The following TSHZ2 variants were observed in gnomAD, a reference collection of about 807,000 sequenced individuals.
TSHZ2 encodes teashirt zinc finger homeobox 2, also known as teashirt homolog 2.
Under a neutral mutation model 74.4 loss-of-function variants are expected in TSHZ2, and 21 were observed. The ratio of observed to expected loss-of-function variants is 0.28; its 90% CI spans 0.20 to 0.41. TSHZ2 has a LOEUF of 0.41. Ranked by LOEUF, TSHZ2 falls within the 10% of genes least tolerant of loss-of-function variation. The probability of loss-of-function intolerance (pLI) is 1.00; values close to 1 mark genes in which losing one functional copy is unlikely to be tolerated. For missense variants in TSHZ2, 1,244 were observed against 1,293.5 expected, an observed-to-expected ratio of 0.96 and a Z score of 0.59; for synonymous variants, 540 against 515.3, an observed-to-expected ratio of 1.05 and a Z score of -0.65.
At chr20:53,029,306 A>G (rs1983553572) in intron 1 of TSHZ2, among the ~76,000 whole-genome samples, 1 of 152,242 alleles carries the variant, frequency 6.6e-6, no homozygotes, top group South Asian at 2.1e-4. Context: ...AAGTACAAAA[A>G]TATTCAGTGA....
Position 53,081,527 on chromosome 20 carries a change from C to T in TSHZ2, c.40+108194C>T, listed in dbSNP as rs150180906. Reference sequence around the variant, plus strand: ...TCAAACATCTACTCACTTCCTTCAGCTGGTGTGCCACAAGCCCCACCCACC... The same window carrying T: ...TCAAACATCTACTCACTTCCTTCAGTTGGTGTGCCACAAGCCCCACCCACC... On this transcript the variant is annotated intron_variant, in intron 1 of 2. Coordinates refer to ENST00000371497, the MANE Select transcript of TSHZ2 (RefSeq NM_173485.6). Among the ~76,000 whole-genome samples the T allele has an allele frequency of 4.8e-3, 726 of 152,328 alleles. 6 individuals carry two copies. The highest frequency in any genetic ancestry group is 0.016 in the African/African-American group (683 of 41,566).
At chr20:53,133,968 T>TAAAAAAAAAA (rs1381925781) in intron 1 of TSHZ2, among the ~76,000 whole-genome samples, 2 of 59,964 alleles carry the variant, frequency 3.3e-5, no homozygotes, top group South Asian at 5.1e-4. Flanking sequence ...CCATTTTTTC[T>TAAAAAAAAAA]GAAAAAAAAA....
intron 2 of TSHZ2, among the ~76,000 whole-genome samples, chr20:53,465,462 G>A (rs1600662472): frequency 6.6e-6 from 1 of 152,076 alleles, no homozygotes; most frequent in Admixed American, 6.6e-5. Flanking sequence ...GTAAAGACGA[G>A]TTTTCACCAT....
intron 2 of TSHZ2, among the ~76,000 whole-genome samples, chr20:53,359,257 GTCTA>G (rs1320795944): frequency 1.3e-5 from 2 of 152,170 alleles, no homozygotes; most frequent in Non-Finnish European, 2.9e-5. Flanking sequence ...GGTGAAAACT[GTCTA>G]GGGTCAGGCA....
chr20:53,176,790 G>A (rs959642895), intron 1 of TSHZ2, among the ~76,000 whole-genome samples: 4 of 150,988 alleles, frequency 2.6e-5, no homozygotes, highest in South Asian at 2.1e-4. Flanking sequence ...GAGTTCAAGC[G>A]ATCCTCCTAC....
chr20:53,378,844 A>C (rs1055530804), intron 2 of TSHZ2, among the ~76,000 whole-genome samples: 1 of 152,220 alleles, frequency 6.6e-6, no homozygotes, highest in Non-Finnish European at 1.5e-5. Context: ...CAGTTGATGT[A>C]AATAAAACCA....
At chr20:53,066,938 G>A (rs1449615299) in intron 1 of TSHZ2, among the ~76,000 whole-genome samples, 1 of 152,222 alleles carries the variant, frequency 6.6e-6, no homozygotes, top group Non-Finnish European at 1.5e-5. Flanking sequence ...GCAGGAGACA[G>A]CTTCAGAAAG....
intron 2 of TSHZ2, among the ~76,000 whole-genome samples, chr20:53,461,106 A>C (rs1216490796): frequency 1.5e-4 from 23 of 152,152 alleles, no homozygotes; most frequent in Admixed American, 1.4e-3. Flanking sequence ...TTACCTAAGC[A>C]AGCCTGGGCA....
chr20:53,339,809 G>T (rs902336624), intron 2 of TSHZ2, among the ~76,000 whole-genome samples: 4 of 152,132 alleles, frequency 2.6e-5, no homozygotes, highest in Non-Finnish European at 5.9e-5. Context: ...CTGGAGGAAG[G>T]GATGCAGGTT....
chr20:53,026,162 C>A (rs974940721), intron 1 of TSHZ2, among the ~76,000 whole-genome samples: 1 of 152,024 alleles, frequency 6.6e-6, no homozygotes, highest in African/African-American at 2.4e-5. Flanking sequence ...AATTCAGAGG[C>A]AGGTTCCATG....
At chr20:53,272,701 C>T (rs1990865169) in intron 2 of TSHZ2, among the ~76,000 whole-genome samples, 1 of 152,170 alleles carries the variant, frequency 6.6e-6, no homozygotes, top group Non-Finnish European at 1.5e-5. Context: ...AGAAACATTT[C>T]CAGCCTGCCG....
intron 2 of TSHZ2, among the ~76,000 whole-genome samples, chr20:53,458,039 G>A (rs2145802922): frequency 6.6e-6 from 1 of 152,134 alleles, no homozygotes; most frequent in African/African-American, 2.4e-5. Context: ...TTGAGTCTCT[G>A]CCCGGCTTTG....
Position 52,977,421 on chromosome 20 carries a change from TACACACACACACACACACAC to T in TSHZ2, c.40+4117_40+4136del, listed in dbSNP as rs36230826. Among the ~76,000 whole-genome samples the T allele has an allele frequency of 5.5e-3, 780 of 141,484 alleles. 5 individuals carry two copies. The highest frequency in any genetic ancestry group is 0.016 in the East Asian group (77 of 4,946). 92.8% of individuals were successfully genotyped at this position (141,484 alleles called of 152,430 possible). On this transcript the variant is annotated intron_variant, in intron 1 of 2. Transcript: ENST00000371497. ...TGTTTTTAACAAATGAATGGAAAAATACACACACACACACACACACACACACACACACACACACACACACA... is the reference window on the plus strand; with the variant it reads ...TGTTTTTAACAAATGAATGGAAAAATACACACACACACACACACACACACA...
At position 53,053,090 on chromosome 20, in the gene TSHZ2, C is replaced by T. The variant is rs2123138928; in HGVS notation, c.40+79757C>T. Among the ~76,000 whole-genome samples, 2 of 152,324 alleles carry T rather than the reference C, an allele frequency of 1.3e-5. 1 individual carries two copies. The highest frequency in any genetic ancestry group is 4.1e-4 in the South Asian group (2 of 4,822). ...CCTCCGGTACTGGTAGAGAGACTTT[C>T]TGTCTCTATAGATTGACCTGTTTGG... On this transcript the variant is annotated intron_variant, in intron 1 of 2. Coordinates refer to ENST00000371497, the MANE Select transcript of TSHZ2 (RefSeq NM_173485.6).
chr20:53,290,433 T>C (rs144517655), intron 2 of TSHZ2, among the ~76,000 whole-genome samples: 31 of 152,156 alleles, frequency 2.0e-4, no homozygotes, highest in African/African-American at 7.5e-4. Context: ...AGCAAACATT[T>C]ATACAATGTC....
chr20:53,120,130 A>G (rs1055990970), intron 1 of TSHZ2, among the ~76,000 whole-genome samples: 5 of 152,240 alleles, frequency 3.3e-5, no homozygotes, highest in Admixed American at 1.3e-4. Flanking sequence ...CACGGATACA[A>G]TTCTCATTTC....
chr20:53,475,282 A>G (rs1364744035), intron 2 of TSHZ2, among the ~76,000 whole-genome samples: 2 of 116,936 alleles, frequency 1.7e-5, no homozygotes, highest in Non-Finnish European at 3.5e-5. Context: ...AGCAAATGTA[A>G]AAGAACAGAA....
chr20:53,263,642 A>G lies in TSHZ2; in HGVS notation c.*8+7071A>G, dbSNP rs79592015. Among the ~76,000 whole-genome samples, 810 of 152,316 alleles carry G rather than the reference A, an allele frequency of 5.3e-3. 13 individuals are homozygous for G. The highest frequency in any genetic ancestry group is 0.019 in the African/African-American group (772 of 41,568). On this transcript the variant is annotated intron_variant, in intron 2 of 2. Coordinates refer to ENST00000371497, the MANE Select transcript of TSHZ2 (RefSeq NM_173485.6). ...ACACCCTTCAAGCCAAACAAAGTAC[A>G]TCAAAGACCAGATTCAACTCCTAGG...
chr20:53,321,683 C>CAAAAAAAAAAAAAAAAAAAAAA (rs59907513), intron 2 of TSHZ2, among the ~76,000 whole-genome samples: 1 of 58,304 alleles, frequency 1.7e-5, no homozygotes, highest in African/African-American at 8.3e-5. Flanking sequence ...GACTCCATCT[C>CAAAAAAAAAAAAAAAAAAAAAA]AAAAAAAAAA....
Sources: allele counts gnomAD v4.1 joint callset (sites outside exome capture counted in the v4.1 genomes callset), GRCh38; gene constraint gnomAD v4.1.1; transcripts MANE v1.5; gene names NCBI Gene and HGNC (gene_info 2026-07-23, HGNC 2026-07-21).